The following BCL2L11 variants were observed in gnomAD, a reference collection of about 807,000 sequenced individuals.
BCL2L11 encodes bcl-2-like protein 11.
BCL2L11 carries 15 observed loss-of-function variants against 20.6 expected under a neutral mutation model. That is an observed-to-expected ratio of 0.73 (90% CI 0.49 to 1.12). BCL2L11 has a LOEUF of 1.12. Among genes scored for constraint, BCL2L11 ranks in the 50% most tolerant of loss-of-function variants. BCL2L11 has a pLI of 0.00. For missense variants in BCL2L11, 292 were observed against 260.9 expected (o/e 1.12, Z -0.82); for synonymous variants, 108 against 92.8 (o/e 1.16, Z -0.94).
intron 2 of BCL2L11, among the ~76,000 whole-genome samples, chr2:111,143,594 C>T (rs567514970): frequency 2.0e-5 from 3 of 152,260 alleles, no homozygotes; most frequent in African/African-American, 7.2e-5. Flanking sequence ...GACAGCAGTG[C>T]CTTAGGAAAT....
chr2:111,149,196 T>G (rs2076949648), intron 2 of BCL2L11, among the ~76,000 whole-genome samples: 1 of 152,248 alleles, frequency 6.6e-6, no homozygotes, highest in Non-Finnish European at 1.5e-5. Flanking sequence ...TAATGCATAA[T>G]GGGATCTTTT....
chr2:111,134,651 T>G (rs543192570), intron 2 of BCL2L11, among the ~76,000 whole-genome samples: 3 of 152,252 alleles, frequency 2.0e-5, no homozygotes, highest in Non-Finnish European at 4.4e-5. Context: ...CTTTCTTCTT[T>G]TGTCATTTCC....
At chr2:111,160,787 T>C (rs778583750) in intron 3 of BCL2L11, among the ~76,000 whole-genome samples, 6 of 152,224 alleles carry the variant, frequency 3.9e-5, no homozygotes, top group African/African-American at 4.8e-5. Flanking sequence ...TGAGTTGTTA[T>C]ACCTTTCTAA....
chr2:111,140,806 C>T lies in BCL2L11; in HGVS notation c.395-9238C>T, dbSNP rs529596950. 6.6e-5 allele frequency among the ~76,000 whole-genome samples: 10 copies of T among 152,342 alleles called. No individual in the cohort carries two copies. In the South Asian group the frequency reaches 1.9e-3, roughly 28 times the overall value. On this transcript the variant is annotated intron_variant, in intron 2 of 3. Coordinates refer to ENST00000393256, the MANE Select transcript of BCL2L11 (RefSeq NM_138621.5). ...CAACAACTTAAGAAAAAGTTTGATA[C>T]ATAGCAGGAGTGCAATATTTGTTGA...
At chr2:111,122,748 G>A (rs2071398651) in intron 1 of BCL2L11, 1 of 985,396 alleles carries the variant, frequency 1.0e-6, no homozygotes, top group Non-Finnish European at 1.2e-6. Context: ...CGGGCTGGCG[G>A]GAAGGCGCGG....
chr2:111,162,156 C>T (rs1487542149), intron 3 of BCL2L11, among the ~76,000 whole-genome samples: 2 of 152,212 alleles, frequency 1.3e-5, no homozygotes, highest in Admixed American at 6.5e-5. Flanking sequence ...CAGCTCCAGC[C>T]GGCCGTGCCA....
At chr2:111,130,406 A>G (rs1014074546) in intron 2 of BCL2L11, among the ~76,000 whole-genome samples, 2 of 152,188 alleles carry the variant, frequency 1.3e-5, no homozygotes, top group African/African-American at 4.8e-5. Flanking sequence ...ACCTGGCCCT[A>G]CTTTTAGCAT....
At chr2:111,131,417 T>A (rs1331767002) in intron 2 of BCL2L11, 1 of 152,186 alleles carries the variant, frequency 6.6e-6, no homozygotes. Flanking sequence ...AGCATTCCAA[T>A]ATTTTTAATG....
chr2:111,152,106 T>C (rs2077326119), intron 3 of BCL2L11, among the ~76,000 whole-genome samples: 1 of 152,078 alleles, frequency 6.6e-6, no homozygotes, highest in Non-Finnish European at 1.5e-5. Context: ...TTTAAGAGGG[T>C]AGGTGAATAC....
At chr2:111,123,410 G>GAAGA (rs2071685455) in intron 1 of BCL2L11, 1 of 985,338 alleles carries the variant, frequency 1.0e-6, no homozygotes, top group African/African-American at 1.7e-5. Flanking sequence ...TGACTTACTC[G>GAAGA]AAGAAGTCTG....
chr2:111,124,582 G>A (rs949957708), intron 2 of BCL2L11, among the ~76,000 whole-genome samples: 1 of 152,192 alleles, frequency 6.6e-6, no homozygotes, highest in Non-Finnish European at 1.5e-5. Context: ...GAGCCACCGC[G>A]CATGGCCCAC....
intron 2 of BCL2L11, among the ~76,000 whole-genome samples, chr2:111,137,162 A>G (rs1292786566): frequency 6.6e-6 from 1 of 152,214 alleles, no homozygotes; most frequent in Admixed American, 6.5e-5. Context: ...GTTTAGAGAT[A>G]CACACCTAAT....
chr2:111,136,530 C>T lies in BCL2L11; in HGVS notation c.394+12391C>T, dbSNP rs1164842857. ...TATTTGTCTTAGTCCCTTTGAGCTG[C>T]TCTAATGGAATACCTGAGACTGGGT... On this transcript the variant is annotated intron_variant, in intron 2 of 3. Coordinates refer to ENST00000393256, the MANE Select transcript of BCL2L11 (RefSeq NM_138621.5). 3.3e-5 allele frequency among the ~76,000 whole-genome samples: 5 copies of T among 152,160 alleles called. No homozygotes were observed. The South Asian group carries it at 8.3e-4, about 25-fold the overall frequency.
At chr2:111,147,684 A>G (rs1050056915) in intron 2 of BCL2L11, among the ~76,000 whole-genome samples, 2 of 152,208 alleles carry the variant, frequency 1.3e-5, no homozygotes, top group African/African-American at 2.4e-5. Flanking sequence ...GGTATTTGCA[A>G]TTGCCAGCCC....
intron 3 of BCL2L11, among the ~76,000 whole-genome samples, chr2:111,159,138 C>T (rs1173384675): frequency 6.6e-6 from 1 of 152,214 alleles, no homozygotes; most frequent in Admixed American, 6.5e-5. Flanking sequence ...GGGCCCTTCC[C>T]AGCAGAGGCA....
At chr2:111,125,212 T>A (rs2072283631) in intron 2 of BCL2L11, among the ~76,000 whole-genome samples, 1 of 152,188 alleles carries the variant, frequency 6.6e-6, no homozygotes. Flanking sequence ...GACAGCTGAT[T>A]CAGATTTTGA....
intron 1 of BCL2L11, chr2:111,122,672 G>A (rs1223942903): frequency 1.1e-4 from 105 of 982,900 alleles, no homozygotes; most frequent in Non-Finnish European, 1.2e-4. Flanking sequence ...CGGCGGCTGC[G>A]GCCGGGGCAG....
intron 2 of BCL2L11, among the ~76,000 whole-genome samples, chr2:111,130,906 G>A (rs79973357): frequency 0.026 from 3,962 of 152,208 alleles, 178 homozygotes; most frequent in African/African-American, 0.09. Context: ...GATATGGTAC[G>A]TTCCATTGAT....
chr2:111,164,247 G>A lies in BCL2L11; in HGVS notation c.*16G>A. 6.4e-7 allele frequency: 1 copy of A among 1,561,382 alleles called. No homozygotes were observed. The highest frequency in any genetic ancestry group is 8.8e-7 in the Non-Finnish European group (1 of 1,131,898). ...AATGCATTGACAGGTTCTTTGCGGA[G>A]CCGAGATACCATGCAGACATTTTGC... On this transcript the variant is annotated 3_prime_UTR_variant, in exon 4 of 4. Coordinates refer to ENST00000393256, the MANE Select transcript of BCL2L11 (RefSeq NM_138621.5).
Sources: gnomAD v4.1 joint callset for allele counts (sites outside exome capture counted in the v4.1 genomes callset) on GRCh38, gnomAD v4.1.1 for gene constraint, MANE v1.5 for transcripts, NCBI Gene and HGNC (gene_info 2026-07-23, HGNC 2026-07-21) for gene names.